The following ANK3 variants were observed in gnomAD, a reference collection of about 807,000 sequenced individuals.
ANK3 encodes the protein ankyrin 3, also known as ankyrin-3.
In ANK3, 57 loss-of-function variants were observed where a neutral mutation model predicts 370.9. The observed-to-expected ratio is 0.15, with a 90% confidence interval of 0.12 to 0.19. The LOEUF is 0.19. ANK3 is among the 10% of genes least tolerant of loss of function. ANK3 has a pLI of 1.00. For missense variants in ANK3, 4,439 were observed against 5,302.1 expected (o/e 0.84, Z 5.06); for synonymous variants, 1,929 against 1,946.3 (o/e 0.99, Z 0.23).
chr10:60,026,735 T>C lies in ANK3; in HGVS notation c.*3111A>G, dbSNP rs1254348300. 1.3e-5 allele frequency: 2 copies of C among 152,214 alleles called. No individual in the cohort carries two copies. The highest frequency in any genetic ancestry group is 2.4e-5 in the African/African-American group (1 of 41,458). 9.4% of individuals were successfully genotyped at this position (152,214 alleles called of 1,614,324 possible). A position where few individuals can be genotyped will look rare whatever the true frequency, so the allele number is the denominator to read the frequency against. On this transcript the variant is annotated 3_prime_UTR_variant, in exon 44 of 44. Transcript: ENST00000280772. Reference sequence around the variant, plus strand: ...GAAGTAATAGATGCCTCTTAAAGTATTGAAATAATACTGCATAGTGTATTG... The same window carrying C: ...GAAGTAATAGATGCCTCTTAAAGTACTGAAATAATACTGCATAGTGTATTG...
intron 25 of ANK3, among the ~76,000 whole-genome samples, chr10:60,126,288 C>T (rs12761506): frequency 0.32 from 48,756 of 152,064 alleles, 8,702 homozygotes; most frequent in Non-Finnish European, 0.41. Context: ...TCTCTTTTCA[C>T]AGATGCACTG....
At chr10:60,207,852 C>T (rs1449750937) in intron 10 of ANK3, among the ~76,000 whole-genome samples, 184 bp downstream of exon 10, 1 of 152,194 alleles carries the variant, frequency 6.6e-6, no homozygotes, top group East Asian at 1.9e-4. Flanking sequence ...CTCCCTCAGC[C>T]TTTCTCATGT....
chr10:60,659,204 AT>A (rs1421144513), intron 1 of ANK3, among the ~76,000 whole-genome samples: 1 of 152,182 alleles, frequency 6.6e-6, no homozygotes, highest in Non-Finnish European at 1.5e-5. Flanking sequence ...TTAATAAAGT[AT>A]CTATTTTTCC....
chr10:60,064,636 G>A (rs1015609974), intron 38 of ANK3, among the ~76,000 whole-genome samples: 3 of 151,580 alleles, frequency 2.0e-5, no homozygotes, highest in African/African-American at 7.3e-5. Context: ...AGACCAGCCT[G>A]GGCAACATGG....
At chr10:60,396,242 G>C (rs1210516572) in intron 2 of ANK3, among the ~76,000 whole-genome samples, 1 of 152,146 alleles carries the variant, frequency 6.6e-6, no homozygotes, top group African/African-American at 2.4e-5. Context: ...AAAGTGACCA[G>C]ATAGGGAACA....
chr10:60,154,416 C>T (rs1433834590), intron 23 of ANK3, among the ~76,000 whole-genome samples: 2 of 152,178 alleles, frequency 1.3e-5, no homozygotes. Flanking sequence ...TGGTCTTTTC[C>T]TGGTGGTCTT....
chr10:60,063,631 A>C (rs2081046824), intron 39 of ANK3, among the ~76,000 whole-genome samples: 1 of 152,232 alleles, frequency 6.6e-6, no homozygotes, highest in Non-Finnish European at 1.5e-5. Context: ...TGACACAGGC[A>C]AACCCATAAT....
intron 36 of ANK3, among the ~76,000 whole-genome samples, chr10:60,076,814 T>G (rs964909157): frequency 6.6e-6 from 1 of 152,180 alleles, no homozygotes; most frequent in African/African-American, 2.4e-5. Flanking sequence ...CTATTGACTT[T>G]CTTATGTGTT....
At chr10:60,680,734 T>C (rs1178640412) in intron 1 of ANK3, among the ~76,000 whole-genome samples, 1 of 152,206 alleles carries the variant, frequency 6.6e-6, no homozygotes, top group Non-Finnish European at 1.5e-5. Context: ...ATCTTCCCCG[T>C]TGATAAGACA....
At chr10:60,656,820 C>T (rs61246342) in intron 1 of ANK3, among the ~76,000 whole-genome samples, 179 of 151,778 alleles carry the variant, frequency 1.2e-3, no homozygotes, top group African/African-American at 4.1e-3. Flanking sequence ...TGTAGTAGTG[C>T]GATCATAACT....
At chr10:60,614,904 A>G (rs985264331) in intron 2 of ANK3, among the ~76,000 whole-genome samples, 6 of 152,160 alleles carry the variant, frequency 3.9e-5, no homozygotes, top group African/African-American at 1.4e-4. Flanking sequence ...CAAGCCTCAA[A>G]TGCACAGCTG....
intron 24 of ANK3, among the ~76,000 whole-genome samples, chr10:60,138,338 G>A (rs1045531880): frequency 6.6e-6 from 1 of 152,140 alleles, no homozygotes; most frequent in East Asian, 1.9e-4. Context: ...TTGAGTCAAG[G>A]TTTTCCCATA....
At chr10:60,292,485 TC>T (rs1366425649) in intron 1 of ANK3, among the ~76,000 whole-genome samples, 1 of 152,148 alleles carries the variant, frequency 6.6e-6, no homozygotes, top group Non-Finnish European at 1.5e-5. Flanking sequence ...GAAGATTTAG[TC>T]CTTTGGAAAA....
At chr10:60,588,999 T>A (rs1402204960) in intron 2 of ANK3, among the ~76,000 whole-genome samples, 1 of 152,200 alleles carries the variant, frequency 6.6e-6, no homozygotes, top group Non-Finnish European at 1.5e-5. Context: ...GACTTAAGCC[T>A]ATCAACCAAA....
At chr10:60,554,684 C>T (rs4511240) in intron 2 of ANK3, among the ~76,000 whole-genome samples, 1 of 152,106 alleles carries the variant, frequency 6.6e-6, no homozygotes, top group African/African-American at 2.4e-5. Context: ...AGAGAATTTT[C>T]TTCTATTACT....
At chr10:60,097,617 CAT>C (rs1480992155) in intron 28 of ANK3, among the ~76,000 whole-genome samples, 1 of 152,178 alleles carries the variant, frequency 6.6e-6, no homozygotes, top group African/African-American at 2.4e-5. Context: ...GCATAAATAA[CAT>C]GACTGAAATC....
chr10:60,404,395 T>C (rs76134676), intron 2 of ANK3, among the ~76,000 whole-genome samples: 3,599 of 152,270 alleles, frequency 0.024, 71 homozygotes, highest in Middle Eastern at 0.058. Context: ...GGCATTAAGA[T>C]AGACACAAAG....
rs1317832800 is a variant in ANK3 at position 60,108,819 on chromosome 10, A to G, written c.3173+11T>C. The G allele has an allele frequency of 1.9e-6, 3 of 1,611,344 alleles. No homozygotes were observed. The South Asian group carries it at 3.3e-5, about 18-fold the overall frequency. On this transcript the variant is annotated intron_variant, in intron 27 of 43. Transcript: ENST00000280772. ...GTGAGGGCCAAGGTTAAAATTGACA[A>G]AACAACTTACCCTAAAAATTGTGCC...
chr10:60,313,357 G>A (rs2046750981), intron 1 of ANK3, among the ~76,000 whole-genome samples: 1 of 152,130 alleles, frequency 6.6e-6, no homozygotes, highest in Non-Finnish European at 1.5e-5. Flanking sequence ...ATGTAATATT[G>A]TAAAATATAA....
Sources: gnomAD v4.1 joint callset for allele counts (sites outside exome capture counted in the v4.1 genomes callset) on GRCh38, gnomAD v4.1.1 for gene constraint, MANE v1.5 for transcripts, NCBI Gene and HGNC (gene_info 2026-07-23, HGNC 2026-07-21) for gene names.